Variants in PCDHGA1 observed in about 807,000 individuals in gnomAD.
PCDHGA1 encodes the protein protocadherin gamma subfamily A, 1.
Under a neutral mutation model 58.0 loss-of-function variants are expected in PCDHGA1, and 32 were observed. That is an observed-to-expected ratio of 0.55 (90% CI 0.42 to 0.74). The LOEUF is 0.74. Ranked by LOEUF, PCDHGA1 falls within the 30% of genes least tolerant of loss-of-function variation. The pLI, the probability that PCDHGA1 is intolerant of heterozygous loss-of-function variation, is 0.00. For synonymous variants in PCDHGA1, 498 were observed against 501.1 expected (o/e 0.99, Z 0.08); for missense variants, 1,205 against 1,182.3 (o/e 1.02, Z -0.28).
chr5:141,390,790 G>C (rs2092232072), intron 1 of PCDHGA1: 2 of 166,124 alleles, frequency 1.2e-5, no homozygotes, highest in Admixed American at 1.2e-4. Flanking sequence ...TGTTTCAAAA[G>C]CTCTTAGAAT....
chr5:141,374,887 C>G lies in PCDHGA1; in HGVS notation c.2421+41782C>G, dbSNP rs1248527882. On this transcript the variant is annotated intron_variant, in intron 1 of 3. Coordinates refer to ENST00000517417, the MANE Select transcript of PCDHGA1 (RefSeq NM_018912.3). Reference sequence around the variant, plus strand: ...CAGTGTTGGCAGTGACTGCCACCGACCAGGATGAAGGAGTCCACGGGGAAG... The same window carrying G: ...CAGTGTTGGCAGTGACTGCCACCGAGCAGGATGAAGGAGTCCACGGGGAAG... The G allele has an allele frequency of 1.9e-6, 3 of 1,613,670 alleles. No individual in the cohort carries two copies. In the African/African-American group the frequency reaches 4.0e-5, roughly 22 times the overall value.
chr5:141,468,651 G>C (rs2099171216), intron 1 of PCDHGA1: 1 of 152,018 alleles, frequency 6.6e-6, no homozygotes, highest in African/African-American at 2.4e-5. Context: ...CGGATCACAA[G>C]GTCAGGAGAT....
intron 1 of PCDHGA1, among the ~76,000 whole-genome samples, chr5:141,482,529 GC>G (rs1229840218): frequency 3.6e-5 from 2 of 56,040 alleles, no homozygotes; most frequent in Non-Finnish European, 5.8e-5. Context: ...AGACAGACAT[GC>G]AAAAAAAAAA....
chr5:141,373,898 A>G (rs1039826496), intron 1 of PCDHGA1: 7 of 541,044 alleles, frequency 1.3e-5, no homozygotes, highest in African/African-American at 1.2e-4. Context: ...CTCAAGTTAC[A>G]TCCTCCAACA....
At position 141,486,250 on chromosome 5, in the gene PCDHGA1, C is replaced by T; in HGVS notation, c.2422-8557C>T. 1 of 1,614,140 alleles carries T rather than the reference C, an allele frequency of 6.2e-7. No homozygotes were observed. The highest frequency in any genetic ancestry group is 2.2e-5 in the East Asian group (1 of 44,872). On this transcript the variant is annotated intron_variant, in intron 1 of 3. Coordinates refer to ENST00000517417, the MANE Select transcript of PCDHGA1 (RefSeq NM_018912.3). The surrounding 1 kb of genome is among the most constrained non-coding windows in gnomAD (Gnocchi z 5.0). ...CAGTGACCTCAGAGCTTGGAACCCT[C>T]CCCGAGAGTGCAGAACCTGGCACTG...
intron 1 of PCDHGA1, chr5:141,390,140 A>G (rs747174609): frequency 3.5e-5 from 57 of 1,613,798 alleles, no homozygotes; most frequent in Middle Eastern, 1.6e-4. Context: ...CCTACAATCT[A>G]TGTGTTGCAC....
chr5:141,476,687 A>G lies in PCDHGA1; in HGVS notation c.2422-18120A>G. 1 of 1,614,212 alleles carries G rather than the reference A, an allele frequency of 6.2e-7. No individual in the cohort carries two copies. Among genetic ancestry groups the G allele is most frequent in the Non-Finnish European group, 8.5e-7 (1 of 1,180,044 alleles). On this transcript the variant is annotated intron_variant, in intron 1 of 3. Transcript: ENST00000517417. This position sits in a 1 kb window ranked among gnomAD's most constrained non-coding sequence, Gnocchi z 7.6. ...TCGCGTGCAGACGCGGGAGGACAGC[A>G]CCAAGTACGCGGAGCTGGTGTTGGA... is the stretch of plus-strand genomic sequence containing the variant.
chr5:141,415,029 G>A (rs777967290), intron 1 of PCDHGA1: 4 of 1,613,436 alleles, frequency 2.5e-6, no homozygotes, highest in Non-Finnish European at 3.4e-6. Flanking sequence ...CCAGCGAGCC[G>A]GGACTCTTCG....
chr5:141,454,693 A>G (rs951819293), intron 1 of PCDHGA1, among the ~76,000 whole-genome samples: 1 of 151,738 alleles, frequency 6.6e-6, no homozygotes, highest in Non-Finnish European at 1.5e-5. Context: ...GGCATGAGCC[A>G]CCATGCTCCA....
In PCDHGA1 at chr5:141,472,816, G is replaced by A. The variant is rs1186234004; in HGVS notation, c.2422-21991G>A. On this transcript the variant is annotated intron_variant, in intron 1 of 3. Transcript: ENST00000517417. ...GCCTGACCAACATGGAGAAACCCCC[G>A]TCTCTACTAAAAATAGAAAATTAGC... 4.6e-5 allele frequency among the ~76,000 whole-genome samples: 7 copies of A among 151,374 alleles called. No individual in the cohort carries two copies. In the South Asian group the frequency reaches 6.2e-4, roughly 14 times the overall value.
intron 1 of PCDHGA1, among the ~76,000 whole-genome samples, chr5:141,434,467 T>C (rs1397980716): frequency 6.6e-6 from 1 of 152,226 alleles, no homozygotes; most frequent in Non-Finnish European, 1.5e-5. Flanking sequence ...TTTACCGGAA[T>C]GAGGGCAAGG....
intron 1 of PCDHGA1, chr5:141,355,130 A>C (rs573009083): frequency 6.6e-7 from 1 of 1,518,662 alleles, no homozygotes; most frequent in South Asian, 1.3e-5. Context: ...TTGGACCCAG[A>C]AGATCCTGGG....
chr5:141,413,793 C>G, intron 1 of PCDHGA1: 1 of 1,613,106 alleles, frequency 6.2e-7, no homozygotes, highest in South Asian at 1.1e-5. Context: ...CCCTAGATCG[C>G]GAGGAAGAGG....
rs759665942 is a variant in PCDHGA1 at position 141,331,455 on chromosome 5, G to A, written c.771G>A (p.Leu257=). 8.1e-6 allele frequency: 13 copies of A among 1,614,032 alleles called. No homozygotes were observed. Among genetic ancestry groups the A allele is most frequent in the Non-Finnish European group, 1.1e-5 (13 of 1,180,050 alleles). Residue 257 remains leucine (L), a synonymous_variant, in exon 1 of 4, where the codon CTG becomes CTA. Coordinates refer to ENST00000517417, the MANE Select transcript of PCDHGA1 (RefSeq NM_018912.3). ...TAAATGTCCCCGAAAACGTGCCGCT[G>A]GGTACTCAGCTGCTCATGGTAAATG... ...YHINVPENVP[L]GTQLLMVNAT...
At chr5:141,340,493 A>T in intron 1 of PCDHGA1, 1 of 1,614,098 alleles carries the variant, frequency 6.2e-7, no homozygotes, top group Non-Finnish European at 8.5e-7. Context: ...CATCTCTATC[A>T]ACTCCGACAC....
intron 1 of PCDHGA1, chr5:141,426,791 C>T (rs2096960403): frequency 2.2e-6 from 1 of 456,574 alleles, no homozygotes; most frequent in Non-Finnish European, 4.4e-6. Context: ...TCCAGAGTTA[C>T]CAGCTCAGTT....
intron 1 of PCDHGA1, chr5:141,418,113 T>C (rs1320881856): frequency 3.1e-6 from 5 of 1,613,912 alleles, no homozygotes; most frequent in Non-Finnish European, 3.4e-6. Context: ...GGGGACTTAC[T>C]TGTGAAGGAC....
chr5:141,344,479 G>T lies in PCDHGA1; in HGVS notation c.2421+11374G>T, dbSNP rs755137237. 30 of 1,613,788 alleles carry T rather than the reference G, an allele frequency of 1.9e-5. 2 individuals carry two copies. The South Asian group carries it at 3.1e-4, about 17-fold the overall frequency. On this transcript the variant is annotated intron_variant, in intron 1 of 3. Coordinates refer to ENST00000517417, the MANE Select transcript of PCDHGA1 (RefSeq NM_018912.3). ...AAAATTGGTGAACTAACGGTTCCTG[G>T]AACCCGATTTCCAATTAAAACTGCT...
Position 141,476,489 on chromosome 5 carries a change from A to G in PCDHGA1, c.2422-18318A>G. ...GGAGCTGTTCAGCGTGGAAGTGGTGATCCAGGACATCAACGACAACAATCC... is the reference window on the plus strand; with the variant it reads ...GGAGCTGTTCAGCGTGGAAGTGGTGGTCCAGGACATCAACGACAACAATCC... On this transcript the variant is annotated intron_variant, in intron 1 of 3. Coordinates refer to ENST00000517417, the MANE Select transcript of PCDHGA1 (RefSeq NM_018912.3). The surrounding 1 kb of genome is among the most constrained non-coding windows in gnomAD (Gnocchi z 7.6). The G allele has an allele frequency of 6.2e-7, 1 of 1,613,928 alleles. No individual in the cohort carries two copies. Among genetic ancestry groups the G allele is most frequent in the Non-Finnish European group, 8.5e-7 (1 of 1,179,976 alleles).
Sources: gnomAD v4.1 joint callset for allele counts (sites outside exome capture counted in the v4.1 genomes callset) on GRCh38, gnomAD v4.1.1 for gene constraint, Gnocchi (gnomAD v3.1) non-coding constraint, MANE v1.5 for transcripts, NCBI Gene and HGNC (gene_info 2026-07-23, HGNC 2026-07-21) for gene names.